The following DPY19L1 variants were observed in gnomAD, a reference collection of about 807,000 sequenced individuals.
DPY19L1 encodes dpy-19 like C-mannosyltransferase 1.
A neutral mutation model predicts 96.9 loss-of-function variants in DPY19L1; 35 were observed. The observed-to-expected ratio is 0.36, with a 90% CI of 0.28 to 0.48. The LOEUF (loss-of-function observed/expected upper bound fraction) is 0.48. DPY19L1 is among the 20% of genes least tolerant of loss of function. DPY19L1 has a pLI of 0.99. For synonymous variants in DPY19L1, 205 were observed against 252.6 expected, an observed-to-expected ratio of 0.81 and a Z score of 1.79; for missense variants, 521 against 777.9, an observed-to-expected ratio of 0.67 and a Z score of 3.93.
chr7:34,976,785 AGTTT>A (rs1278754862), intron 7 of DPY19L1, among the ~76,000 whole-genome samples: 4 of 152,068 alleles, frequency 2.6e-5, no homozygotes, highest in African/African-American at 9.7e-5. Flanking sequence ...GATCACTGGC[AGTTT>A]GTTTGTGCAT....
intron 21 of DPY19L1, among the ~76,000 whole-genome samples, chr7:34,933,636 A>G (rs112982928): frequency 5.3e-5 from 8 of 152,328 alleles, no homozygotes; most frequent in African/African-American, 1.9e-4. Flanking sequence ...TGGCTAGAAT[A>G]AAAGCAGGCA....
chr7:34,999,615 G>A (rs1244627574), intron 6 of DPY19L1, among the ~76,000 whole-genome samples: 1 of 152,160 alleles, frequency 6.6e-6, no homozygotes, highest in African/African-American at 2.4e-5. Context: ...GACGGGTCTA[G>A]GATGGAACCA....
intron 11 of DPY19L1, among the ~76,000 whole-genome samples, chr7:34,956,352 A>G (rs1784378619): frequency 6.6e-6 from 1 of 152,196 alleles, no homozygotes; most frequent in Non-Finnish European, 1.5e-5. Flanking sequence ...CTGAAGAACT[A>G]TACTTATTAA....
At chr7:34,963,505 T>C (rs781113553) in intron 10 of DPY19L1, among the ~76,000 whole-genome samples, 1 of 152,172 alleles carries the variant, frequency 6.6e-6, no homozygotes, top group Non-Finnish European at 1.5e-5. Flanking sequence ...GAAAACAAGA[T>C]CTCAAAAAAT....
At chr7:35,032,002 C>T (rs2128683956) in intron 1 of DPY19L1, among the ~76,000 whole-genome samples, 1 of 152,320 alleles carries the variant, frequency 6.6e-6, no homozygotes, top group South Asian at 2.1e-4. Context: ...ACCAAGATGG[C>T]CTGTGTCCCT....
intron 1 of DPY19L1, among the ~76,000 whole-genome samples, chr7:35,029,625 T>A (rs1786213251): frequency 6.6e-6 from 1 of 152,196 alleles, no homozygotes; most frequent in South Asian, 2.1e-4. Flanking sequence ...TGTGTTGTTA[T>A]ATCATTGCCA....
intron 1 of DPY19L1, among the ~76,000 whole-genome samples, chr7:35,019,874 A>C (rs1179029706): frequency 6.6e-6 from 1 of 152,116 alleles, no homozygotes; most frequent in Non-Finnish European, 1.5e-5. Context: ...TCTGTCTTTA[A>C]AAACTTTATC....
intron 3 of DPY19L1, among the ~76,000 whole-genome samples, chr7:35,015,073 A>G (rs1326317378): frequency 6.6e-6 from 1 of 152,160 alleles, no homozygotes; most frequent in East Asian, 1.9e-4. Context: ...GTGAGAGAAT[A>G]TATTTCTGCT....
chr7:34,954,620 T>C (rs557734033), intron 13 of DPY19L1, 78 bp downstream of exon 13: 2 of 772,786 alleles, frequency 2.6e-6, no homozygotes, highest in Non-Finnish European at 4.3e-6. Flanking sequence ...TTAATAGTGA[T>C]ACTTGAATAA....
At chr7:34,961,041 T>A (rs1343987716) in intron 10 of DPY19L1, among the ~76,000 whole-genome samples, 3 of 152,136 alleles carry the variant, frequency 2.0e-5, no homozygotes, top group Non-Finnish European at 4.4e-5. Context: ...ATACATGAAG[T>A]GTTATTCCAT....
chr7:35,005,004 A>G (rs1785518027), intron 6 of DPY19L1, among the ~76,000 whole-genome samples: 1 of 152,206 alleles, frequency 6.6e-6, no homozygotes, highest in Non-Finnish European at 1.5e-5. Context: ...AAGGCTGAAG[A>G]GTCTAAAAAT....
chr7:34,996,092 T>A (rs328924), intron 6 of DPY19L1, among the ~76,000 whole-genome samples: 41,506 of 152,006 alleles, frequency 0.27, 5,750 homozygotes, highest in Non-Finnish European at 0.31. Context: ...CGATTCTAAC[T>A]GAAGTTATTT....
At chr7:35,017,290 G>A (rs377090296) in intron 3 of DPY19L1, among the ~76,000 whole-genome samples, 298 of 151,412 alleles carry the variant, frequency 2.0e-3, no homozygotes, top group African/African-American at 6.9e-3. Flanking sequence ...TCAGGAGATC[G>A]AGACCATCCT....
At position 34,967,720 on chromosome 7, in the gene DPY19L1, A is replaced by T. The variant is rs549542680; in HGVS notation, c.1015-749T>A. Among the ~76,000 whole-genome samples the T allele has an allele frequency of 2.0e-5, 3 of 152,318 alleles. No individual in the cohort carries two copies. The South Asian group carries it at 6.2e-4, about 32-fold the overall frequency. On this transcript the variant is annotated intron_variant, in intron 9 of 21. Coordinates refer to ENST00000638088, the MANE Select transcript of DPY19L1 (RefSeq NM_001366673.1). The stretch of plus-strand genomic sequence containing the variant: ...CAAATTAAATTCTTCCCGTCCTACT[A>T]CAAAAGCATAGCATAAACAGATTGC...
intron 7 of DPY19L1, among the ~76,000 whole-genome samples, chr7:34,984,993 G>GT (rs1785017739): frequency 6.6e-6 from 1 of 152,042 alleles, no homozygotes. Context: ...GCATCAAAAA[G>GT]TACCTGGGAA....
intron 1 of DPY19L1, among the ~76,000 whole-genome samples, chr7:35,021,743 G>A (rs1202869073): frequency 6.6e-6 from 1 of 152,140 alleles, no homozygotes; most frequent in East Asian, 1.9e-4. Flanking sequence ...CATGGCTGTT[G>A]TAGAAAGAGG....
chr7:34,953,283 C>A (rs1784306208), intron 13 of DPY19L1, among the ~76,000 whole-genome samples: 1 of 152,134 alleles, frequency 6.6e-6, no homozygotes, highest in Admixed American at 6.5e-5. Context: ...TTCTAATTTG[C>A]AAATAACATA....
intron 7 of DPY19L1, among the ~76,000 whole-genome samples, chr7:34,984,027 G>A (rs1784996114): frequency 6.6e-6 from 1 of 152,146 alleles, no homozygotes; most frequent in South Asian, 2.1e-4. Flanking sequence ...GTGGAAGCCA[G>A]AAGATAATGG....
chr7:35,016,427 A>T (rs1264460643), intron 3 of DPY19L1, among the ~76,000 whole-genome samples: 1 of 152,270 alleles, frequency 6.6e-6, no homozygotes, highest in Non-Finnish European at 1.5e-5. Context: ...TAGTAAATAA[A>T]AAGAAAGAAT....
Sources: gnomAD v4.1 joint callset for allele counts (sites outside exome capture counted in the v4.1 genomes callset) on GRCh38, gnomAD v4.1.1 for gene constraint, MANE v1.5 for transcripts, NCBI Gene and HGNC (gene_info 2026-07-23, HGNC 2026-07-21) for gene names.